COPB2: variants seen among roughly 807,000 people sequenced by gnomAD.
The protein encoded by COPB2 is coat protein complex I subunit beta 2, also known as coatomer subunit beta'.
COPB2 carries 16 observed loss-of-function variants against 120.8 expected under a neutral mutation model. The ratio of observed to expected loss-of-function variants is 0.13; its 90% CI spans 0.09 to 0.20. COPB2 has a LOEUF of 0.20. Among genes scored for constraint, COPB2 ranks in the 10% least tolerant of loss-of-function variants. The pLI, the probability that COPB2 is intolerant of heterozygous loss-of-function variation, is 1.00. For synonymous variants in COPB2, 332 were observed against 366.3 expected, an observed-to-expected ratio of 0.91 and a Z score of 1.07; for missense variants, 794 against 1,076.5, an observed-to-expected ratio of 0.74 and a Z score of 3.67.
intron 12 of COPB2, among the ~76,000 whole-genome samples, chr3:139,368,700 C>T (rs1310868496): frequency 6.6e-5 from 10 of 152,120 alleles, no homozygotes; most frequent in Non-Finnish European, 1.5e-4. Flanking sequence ...AATGCATATA[C>T]ATATGTATAG....
chr3:139,386,636 T>C (rs967081195), intron 1 of COPB2, among the ~76,000 whole-genome samples: 2 of 152,142 alleles, frequency 1.3e-5, no homozygotes, highest in Non-Finnish European at 2.9e-5. Flanking sequence ...TTTAACTTCT[T>C]TTTAAATCTC....
chr3:139,361,183 G>C lies in COPB2; in HGVS notation c.2108C>G (p.Ala703Gly). ...CATATTAGCATTTCCAGAGGCAGTGGCCAAAAGCAGCAGGCCCCCATAATC... is the reference window on the plus strand; with the variant it reads ...CATATTAGCATTTCCAGAGGCAGTGCCCAAAAGCAGCAGGCCCCCATAATC... ...AQDYGGLLLL[A>G]TASGNANMVN... is the part of the protein sequence containing the mutation. The change falls in exon 17 of 22, where the codon GCC becomes GGC. Residue 703 changes from alanine (A) to glycine (G), a missense_variant. By Grantham distance (60) the Ala-to-Gly change is moderately conservative. Around this residue, in one of 3 missense-constraint regions of COPB2, gnomAD observed 610 missense variants for 866.7 expected, o/e 0.70. Coordinates refer to ENST00000333188, the MANE Select transcript of COPB2 (RefSeq NM_004766.3). 1 of 1,614,198 alleles carries C rather than the reference G, an allele frequency of 6.2e-7. No individual in the cohort carries two copies. The highest frequency in any genetic ancestry group is 8.5e-7 in the Non-Finnish European group (1 of 1,180,044).
intron 20 of COPB2, chr3:139,358,515 A>G (rs1941338425): frequency 1.7e-6 from 1 of 598,522 alleles, no homozygotes; most frequent in African/African-American, 1.9e-5. Flanking sequence ...TGTCTCTAAT[A>G]AAAATACAAA....
At chr3:139,383,475 A>C (rs766026377) in intron 1 of COPB2, 40 bp from the exon 2 acceptor site, 1 of 1,484,392 alleles carries the variant, frequency 6.7e-7, no homozygotes, top group South Asian at 1.4e-5. Context: ...GCTAAGCCAA[A>C]TAAAATATGT....
intron 17 of COPB2, among the ~76,000 whole-genome samples, chr3:139,360,650 T>C (rs1237047847): frequency 6.6e-6 from 1 of 152,198 alleles, no homozygotes; most frequent in Non-Finnish European, 1.5e-5. Flanking sequence ...TGCTTTATAG[T>C]GGGCTCAAAT....
In COPB2 at chr3:139,358,551, G is replaced by A. The variant is rs535755635; in HGVS notation, c.2553+193C>T. 1.4e-4 allele frequency: 86 copies of A among 606,118 alleles called. No homozygotes were observed. The East Asian group carries it at 2.1e-3, about 15-fold the overall frequency. 37.5% of individuals were successfully genotyped at this position (606,118 alleles called of 1,614,324 possible). A position where few individuals can be genotyped will look rare whatever the true frequency, so the allele number is the denominator to read the frequency against. On this transcript the variant is annotated intron_variant, in intron 20 of 21. Transcript: ENST00000333188. Reference sequence around the variant, plus strand: ...AAAATTAGCCGGACCGGTGATGGGCGCCTGTAATTACCCCAGCTACTCGGG... The same window carrying A: ...AAAATTAGCCGGACCGGTGATGGGCACCTGTAATTACCCCAGCTACTCGGG...
intron 9 of COPB2, among the ~76,000 whole-genome samples, chr3:139,372,665 G>A (rs1162417750): frequency 2.0e-5 from 3 of 152,152 alleles, no homozygotes; most frequent in African/African-American, 7.2e-5. Context: ...TAATTTTAAA[G>A]CTCCACAGGT....
chr3:139,366,515 G>T, intron 15 of COPB2, 53 bp downstream of exon 15: 1 of 1,487,324 alleles, frequency 6.7e-7, no homozygotes, highest in Non-Finnish European at 9.1e-7. Context: ...ATAATAATTT[G>T]CTTTCAAATT....
chr3:139,361,564 G>C (rs1941420814), intron 16 of COPB2, among the ~76,000 whole-genome samples: 1 of 151,984 alleles, frequency 6.6e-6, no homozygotes, highest in Non-Finnish European at 1.5e-5. Context: ...AATTACACAG[G>C]GAAAGTAAAA....
intron 2 of COPB2, chr3:139,381,032 A>G (rs1032851628): frequency 6.6e-6 from 1 of 152,260 alleles, no homozygotes. Flanking sequence ...AACGTAGATT[A>G]GGAAAGTATA....
Position 139,358,305 on chromosome 3 carries a change from A to C in COPB2, c.2554-34T>G, listed in dbSNP as rs771465423. 24 of 1,565,266 alleles carry C rather than the reference A, an allele frequency of 1.5e-5. 1 individual carries two copies. In the East Asian group the frequency reaches 5.4e-4, roughly 35 times the overall value. Reference sequence around the variant, plus strand: ...ACAAGTGAAGATATATATGAAGACAAGGGAATTTACTCGGGAATTTAAAGT... The same window carrying C: ...ACAAGTGAAGATATATATGAAGACACGGGAATTTACTCGGGAATTTAAAGT... On this transcript the variant is annotated intron_variant, in intron 20 of 21. Transcript: ENST00000333188.
chr3:139,372,586 T>G (rs1941640476), intron 9 of COPB2, among the ~76,000 whole-genome samples: 2 of 152,204 alleles, frequency 1.3e-5, no homozygotes, highest in East Asian at 1.9e-4. Flanking sequence ...GGCGGCATAC[T>G]TGGTTTATAT....
chr3:139,383,535 G>T, intron 1 of COPB2, 100 bp from the exon 2 acceptor site: 1 of 1,065,938 alleles, frequency 9.4e-7, no homozygotes, highest in Non-Finnish European at 1.3e-6. Flanking sequence ...AAACAATTCA[G>T]CTACTACTTT....
chr3:139,389,113 T>C (rs1941996475), intron 1 of COPB2, among the ~76,000 whole-genome samples: 1 of 152,228 alleles, frequency 6.6e-6, no homozygotes, highest in African/African-American at 2.4e-5. Context: ...TTTTGGCTTC[T>C]TTGCTTGTTT....
chr3:139,358,986 C>T lies in COPB2; in HGVS notation c.2484+12G>A, dbSNP rs886210265. 6.2e-7 allele frequency: 1 copy of T among 1,608,996 alleles called. No homozygotes were observed. The highest frequency in any genetic ancestry group is 1.3e-5 in the African/African-American group (1 of 74,652). On this transcript the variant is annotated intron_variant, in intron 19 of 21. Coordinates refer to ENST00000333188, the MANE Select transcript of COPB2 (RefSeq NM_004766.3). ...GTTACAATAAATGAAGCTTGACATC[C>T]TGGCCACTCACCGTGACAAGTGGGT... is the stretch of plus-strand genomic sequence containing the variant.
intron 10 of COPB2, among the ~76,000 whole-genome samples, chr3:139,370,715 G>A (rs1219685889): frequency 6.6e-6 from 1 of 152,118 alleles, no homozygotes; most frequent in Non-Finnish European, 1.5e-5. Flanking sequence ...TGAGGGCTTT[G>A]CTCAGGACAG....
chr3:139,368,024 C>T (rs1941550709), intron 13 of COPB2, 121 bp downstream of exon 13: 1 of 1,012,014 alleles, frequency 9.9e-7, no homozygotes. Flanking sequence ...ACCAGAAATC[C>T]TTAAATGCTG....
chr3:139,373,883 A>G, intron 7 of COPB2, 75 bp from the exon 8 acceptor site: 1 of 1,556,962 alleles, frequency 6.4e-7, no homozygotes, highest in Non-Finnish European at 8.7e-7. Flanking sequence ...AAAGAGACCC[A>G]TAGAAGTCTT....
chr3:139,375,985 A>C lies in COPB2; in HGVS notation c.505-371T>G, dbSNP rs548808334. Among the ~76,000 whole-genome samples the C allele has an allele frequency of 7.0e-4, 107 of 152,334 alleles. 1 individual carries two copies. The South Asian group carries it at 9.5e-3, about 14-fold the overall frequency. ...TAAAAGTTGCTGGGTGTGGTGGCTCACACCTGTAATCCCAGCACTTTAGGA... is the reference window on the plus strand; with the variant it reads ...TAAAAGTTGCTGGGTGTGGTGGCTCCCACCTGTAATCCCAGCACTTTAGGA... On this transcript the variant is annotated intron_variant, in intron 5 of 21. Coordinates refer to ENST00000333188, the MANE Select transcript of COPB2 (RefSeq NM_004766.3).
Sources: gnomAD v4.1 joint callset for allele counts (sites outside exome capture counted in the v4.1 genomes callset) on GRCh38, gnomAD v4.1.1 for gene constraint, gnomAD v4.1.1 regional missense constraint, MANE v1.5 for transcripts, NCBI Gene and HGNC (gene_info 2026-07-23, HGNC 2026-07-21) for gene names.